Variants in QTMAN observed in about 807,000 individuals in gnomAD.
QTMAN encodes the protein queuosine-tRNA mannosyltransferase, also known as tRNA-queuosine alpha-mannosyltransferase.
At chr2:144,310,818 G>C in the QTMAN span, among the ~76,000 whole-genome samples, 1 of 152,170 alleles carries the variant, frequency 6.6e-6, no homozygotes, top group Non-Finnish European at 1.5e-5. Flanking sequence ...TCAGTTTTAA[G>C]TATTTGAAGA....
the QTMAN span, among the ~76,000 whole-genome samples, chr2:144,134,961 T>C: frequency 6.6e-6 from 1 of 152,144 alleles, no homozygotes; most frequent in African/African-American, 2.4e-5. Context: ...AGACAATTGA[T>C]AAATATATAC....
the QTMAN span, among the ~76,000 whole-genome samples, chr2:144,295,756 G>A: frequency 6.6e-6 from 1 of 152,118 alleles, no homozygotes; most frequent in Non-Finnish European, 1.5e-5. Flanking sequence ...GAGACTACAG[G>A]TATGTGGCAC....
the QTMAN span, among the ~76,000 whole-genome samples, chr2:144,272,358 A>G: frequency 6.6e-6 from 1 of 152,210 alleles, no homozygotes; most frequent in Non-Finnish European, 1.5e-5. Flanking sequence ...AAAAAAATAC[A>G]TCTTTCATCC....
chr2:144,016,851 G>C, the QTMAN span, among the ~76,000 whole-genome samples: 1 of 152,136 alleles, frequency 6.6e-6, no homozygotes, highest in African/African-American at 2.4e-5. Flanking sequence ...TTCCTGAACA[G>C]AGTATCAGAA....
the QTMAN span, among the ~76,000 whole-genome samples, chr2:143,976,998 C>A: frequency 6.6e-6 from 1 of 152,274 alleles, no homozygotes; most frequent in Non-Finnish European, 1.5e-5. Context: ...TTTCTTCATC[C>A]TTAAAATGGG....
At chr2:144,045,117 T>C in the QTMAN span, among the ~76,000 whole-genome samples, 1 of 152,134 alleles carries the variant, frequency 6.6e-6, no homozygotes, top group African/African-American at 2.4e-5. Flanking sequence ...AACCCACAAA[T>C]GCTAGAGAAA....
chr2:144,293,512 T>C, the QTMAN span, among the ~76,000 whole-genome samples: 1 of 152,174 alleles, frequency 6.6e-6, no homozygotes, highest in Non-Finnish European at 1.5e-5. Context: ...AACCTATCCA[T>C]GGTAAGGCTC....
At chr2:143,967,466 G>C in the QTMAN span, among the ~76,000 whole-genome samples, 47 of 151,976 alleles carry the variant, frequency 3.1e-4, no homozygotes, top group Admixed American at 1.3e-3. Context: ...AAGTTGCTGG[G>C]ATTACCCGCG....
chr2:144,033,880 G>A, the QTMAN span, among the ~76,000 whole-genome samples: 2 of 152,298 alleles, frequency 1.3e-5, no homozygotes, highest in Middle Eastern at 3.4e-3. Flanking sequence ...TCTGTATCAG[G>A]AACCTGAAGC....
At chr2:144,274,127 C>G in the QTMAN span, among the ~76,000 whole-genome samples, 1 of 151,656 alleles carries the variant, frequency 6.6e-6, no homozygotes, top group Non-Finnish European at 1.5e-5. Flanking sequence ...AGCGAGACTC[C>G]GTCTCAAAAA....
the QTMAN span, among the ~76,000 whole-genome samples, chr2:144,101,440 T>C: frequency 1.3e-3 from 191 of 152,140 alleles, no homozygotes; most frequent in African/African-American, 4.4e-3. Flanking sequence ...ATGTATCTAA[T>C]TGTTAAAAAG....
chr2:144,200,725 T>G, the QTMAN span, among the ~76,000 whole-genome samples: 3 of 152,156 alleles, frequency 2.0e-5, no homozygotes, highest in Non-Finnish European at 2.9e-5. Flanking sequence ...AAAATTTACA[T>G]AACAGAAAAT....
the QTMAN span, among the ~76,000 whole-genome samples, chr2:144,153,339 A>G: frequency 2.0e-5 from 3 of 152,218 alleles, no homozygotes; most frequent in African/African-American, 4.8e-5. Context: ...AAATAAATAA[A>G]GTACCACTAT....
chr2:144,133,235 ATT>A, the QTMAN span, among the ~76,000 whole-genome samples: 7 of 61,410 alleles, frequency 1.1e-4, no homozygotes, highest in African/African-American at 5.6e-4. Context: ...ATATATTTAT[ATT>A]TATATATAAA....
the QTMAN span, among the ~76,000 whole-genome samples, chr2:144,325,307 G>A: frequency 6.6e-6 from 1 of 152,132 alleles, no homozygotes; most frequent in African/African-American, 2.4e-5. Flanking sequence ...AAAATGGAAG[G>A]CTGTGGTGTA....
At chr2:144,291,873 C>G in the QTMAN span, among the ~76,000 whole-genome samples, 3 of 152,166 alleles carry the variant, frequency 2.0e-5, no homozygotes, top group South Asian at 6.2e-4. Context: ...CATGCCTCTA[C>G]AGTATTACTT....
At chr2:143,946,816 C>T in the QTMAN span, 1 of 515,498 alleles carries the variant, frequency 1.9e-6, no homozygotes, top group Non-Finnish European at 3.4e-6. Context: ...ACATGTGTAA[C>T]CATCATAACG....
chr2:143,997,235 A>C, the QTMAN span, among the ~76,000 whole-genome samples: 1 of 152,154 alleles, frequency 6.6e-6, no homozygotes, highest in African/African-American at 2.4e-5. Context: ...TTATGAACTT[A>C]TCAAGTGAAA....
the QTMAN span, among the ~76,000 whole-genome samples, chr2:144,149,774 T>C: frequency 6.6e-6 from 1 of 152,060 alleles, no homozygotes; most frequent in Non-Finnish European, 1.5e-5. Flanking sequence ...TCCGAAACAG[T>C]TAAACACAAT....
Sources: allele counts gnomAD v4.1 joint callset (sites outside exome capture counted in the v4.1 genomes callset), GRCh38; gene constraint gnomAD v4.1.1; transcripts MANE v1.5; gene names NCBI Gene and HGNC (gene_info 2026-07-23, HGNC 2026-07-21).